GTF2F2: variants seen among roughly 807,000 people sequenced by gnomAD.
GTF2F2 encodes the protein general transcription factor IIF subunit 2.
Under a neutral mutation model 42.2 loss-of-function variants are expected in GTF2F2, and 23 were observed. That is an observed-to-expected ratio of 0.55 (90% CI 0.39 to 0.77). GTF2F2 has a LOEUF of 0.77. Among genes scored for constraint, GTF2F2 ranks in the 30% least tolerant of loss-of-function variants. The probability of loss-of-function intolerance (pLI) is 0.00; values close to 1 mark genes in which losing one functional copy is unlikely to be tolerated. For synonymous variants in GTF2F2, 105 were observed against 100.8 expected (o/e 1.04, Z -0.25); for missense variants, 261 against 287.2 (o/e 0.91, Z 0.66).
At chr13:45,127,124 G>A (rs929525264) in intron 1 of GTF2F2, among the ~76,000 whole-genome samples, 4 of 152,104 alleles carry the variant, frequency 2.6e-5, no homozygotes, top group Non-Finnish European at 5.9e-5. Context: ...CTGTAAGTTC[G>A]TGGTGTAGAG....
chr13:45,274,915 A>G (rs1283538547), intron 7 of GTF2F2, among the ~76,000 whole-genome samples: 2 of 152,148 alleles, frequency 1.3e-5, no homozygotes, highest in Admixed American at 1.3e-4. Context: ...CTGTCTCAAA[A>G]AAAAAAAAGT....
intron 4 of GTF2F2, among the ~76,000 whole-genome samples, chr13:45,184,490 G>A (rs1441821430): frequency 6.6e-6 from 1 of 151,086 alleles, no homozygotes; most frequent in Non-Finnish European, 1.5e-5. Context: ...TTGGGCTCAA[G>A]CAATCTTCCC....
chr13:45,248,513 G>A (rs1875744935), intron 5 of GTF2F2, among the ~76,000 whole-genome samples: 2 of 151,674 alleles, frequency 1.3e-5, no homozygotes, highest in Admixed American at 6.6e-5. Flanking sequence ...CGCTCTTGTT[G>A]CCCAGACTGG....
chr13:45,220,498 T>C (rs1874062756), intron 5 of GTF2F2, among the ~76,000 whole-genome samples: 1 of 152,120 alleles, frequency 6.6e-6, no homozygotes, highest in African/African-American at 2.4e-5. Context: ...ATATAAGTAT[T>C]TTCCATACTT....
chr13:45,186,630 A>AT (rs924918032), intron 4 of GTF2F2, among the ~76,000 whole-genome samples: 1 of 152,196 alleles, frequency 6.6e-6, no homozygotes, highest in Non-Finnish European at 1.5e-5. Flanking sequence ...TTAAAAATAA[A>AT]TAAAAATTTA....
intron 5 of GTF2F2, among the ~76,000 whole-genome samples, chr13:45,251,437 A>G (rs1199961988): frequency 6.6e-6 from 1 of 152,172 alleles, no homozygotes; most frequent in Non-Finnish European, 1.5e-5. Context: ...TGAACCATCC[A>G]AGGAATTATA....
intron 5 of GTF2F2, among the ~76,000 whole-genome samples, chr13:45,242,297 A>AT (rs1274641312): frequency 2.1e-5 from 3 of 139,832 alleles, no homozygotes; most frequent in African/African-American, 8.2e-5. Context: ...ACTTTGGGCC[A>AT]AGTATGTGTG....
Position 45,132,438 on chromosome 13 carries a change from T to G in GTF2F2, c.67-4295T>G, listed in dbSNP as rs116861315. ...GGCTAAAGCTTGTCATTAGTGTTTT[T>G]TTTTTTTGGTTTGTTTTGTTTTTGC... On this transcript the variant is annotated intron_variant, in intron 1 of 7. Transcript: ENST00000340473. 1.1e-4 allele frequency among the ~76,000 whole-genome samples: 17 copies of G among 152,176 alleles called. No individual in the cohort carries two copies. The East Asian group carries it at 3.3e-3, about 29-fold the overall frequency.
chr13:45,248,122 C>T (rs1407653679), intron 5 of GTF2F2, among the ~76,000 whole-genome samples: 4 of 152,160 alleles, frequency 2.6e-5, no homozygotes, highest in African/African-American at 7.2e-5. Flanking sequence ...AGATTACAGG[C>T]GTGAGCCACC....
At chr13:45,227,549 A>T (rs1026235424) in intron 5 of GTF2F2, among the ~76,000 whole-genome samples, 1 of 152,238 alleles carries the variant, frequency 6.6e-6, no homozygotes, top group Non-Finnish European at 1.5e-5. Context: ...TTAAAAAACA[A>T]ATATCGCAAA....
chr13:45,132,885 G>A (rs1292614514), intron 1 of GTF2F2, among the ~76,000 whole-genome samples: 6 of 151,748 alleles, frequency 4.0e-5, no homozygotes, highest in Admixed American at 2.0e-4. Context: ...CAGGAGTGAG[G>A]GACTGAATTG....
At chr13:45,217,397 C>G (rs1051199201) in intron 5 of GTF2F2, among the ~76,000 whole-genome samples, 1 of 151,686 alleles carries the variant, frequency 6.6e-6, no homozygotes, top group African/African-American at 2.4e-5. Flanking sequence ...TCCAGCTACA[C>G]TTTTTAAAAT....
At chr13:45,171,982 G>T (rs1376919747) in intron 4 of GTF2F2, among the ~76,000 whole-genome samples, 1 of 151,522 alleles carries the variant, frequency 6.6e-6, no homozygotes, top group African/African-American at 2.4e-5. Context: ...AATATTTCAT[G>T]GTTTATCCAT....
intron 1 of GTF2F2, among the ~76,000 whole-genome samples, chr13:45,124,647 C>A (rs187646710): frequency 3.5e-4 from 54 of 152,248 alleles, no homozygotes; most frequent in South Asian, 2.1e-4. Flanking sequence ...GCACTGTAAC[C>A]TTTGCCTCCT....
intron 4 of GTF2F2, among the ~76,000 whole-genome samples, chr13:45,170,995 A>G (rs115509979): frequency 0.012 from 1,896 of 151,960 alleles, 42 homozygotes; most frequent in African/African-American, 0.04. Flanking sequence ...ATAGGCAGCA[A>G]TTTAGTAGAG....
rs1402219311 is a variant in GTF2F2 at position 45,214,444 on chromosome 13, G to A, written c.386+6939G>A. 1.3e-5 allele frequency among the ~76,000 whole-genome samples: 2 copies of A among 152,190 alleles called. 1 individual carries two copies. The highest frequency in any genetic ancestry group is 3.9e-4 in the East Asian group (2 of 5,186). The stretch of plus-strand genomic sequence containing the variant: ...ATCCCCTCACATAATAAAAAATCCT[G>A]CAAGACTCCAGTTAGCCACCAGGAA... On this transcript the variant is annotated intron_variant, in intron 5 of 7. Coordinates refer to ENST00000340473, the MANE Select transcript of GTF2F2 (RefSeq NM_004128.3).
At chr13:45,193,677 G>T in intron 4 of GTF2F2, 1 of 922,870 alleles carries the variant, frequency 1.1e-6, no homozygotes, top group Non-Finnish European at 1.7e-6. Flanking sequence ...TTAGTAGCAG[G>T]GCTCTGTAGT....
At chr13:45,213,139 C>T (rs953701564) in intron 5 of GTF2F2, among the ~76,000 whole-genome samples, 6 of 151,120 alleles carry the variant, frequency 4.0e-5, no homozygotes, top group Non-Finnish European at 7.4e-5. Context: ...AGTGCAGTGG[C>T]GCCATCTCGG....
chr13:45,182,581 AT>A (rs1327644489), intron 4 of GTF2F2, among the ~76,000 whole-genome samples: 1 of 152,064 alleles, frequency 6.6e-6, no homozygotes, highest in Non-Finnish European at 1.5e-5. Context: ...AGTTTACTAT[AT>A]CTCAAAAATC....
Sources: allele counts gnomAD v4.1 joint callset (sites outside exome capture counted in the v4.1 genomes callset), GRCh38; gene constraint gnomAD v4.1.1; transcripts MANE v1.5; gene names NCBI Gene and HGNC (gene_info 2026-07-23, HGNC 2026-07-21).